Variants in GREB1L observed in about 807,000 individuals in gnomAD.
The protein encoded by GREB1L is GREB1-like protein.
GREB1L carries 17 observed loss-of-function variants against 200.8 expected under a neutral mutation model. The observed-to-expected ratio is 0.08, with a 90% confidence interval of 0.06 to 0.13. The LOEUF (loss-of-function observed/expected upper bound fraction) is 0.13. Among genes scored for constraint, GREB1L ranks in the 10% least tolerant of loss-of-function variants. The pLI is 1.00. For synonymous variants in GREB1L, 789 were observed against 893.0 expected (o/e 0.88, Z 2.08); for missense variants, 1,657 against 2,367.7 (o/e 0.70, Z 6.23).
intron 4 of GREB1L, among the ~76,000 whole-genome samples, chr18:21,386,797 G>A (rs1348359469): frequency 6.6e-6 from 1 of 152,054 alleles, no homozygotes; most frequent in Non-Finnish European, 1.5e-5. Context: ...GAGCCACCAC[G>A]CCCAGCCAGT....
intron 15 of GREB1L, among the ~76,000 whole-genome samples, chr18:21,466,132 AT>A (rs2035254381): frequency 1.3e-5 from 2 of 152,086 alleles, no homozygotes; most frequent in South Asian, 4.1e-4. Context: ...TAATTCATTC[AT>A]TTTACTGATT....
chr18:21,383,453 A>G (rs1269497327), intron 2 of GREB1L, 57 bp from the exon 3 acceptor site: 2 of 1,307,182 alleles, frequency 1.5e-6, no homozygotes, highest in Non-Finnish European at 1.0e-6. Flanking sequence ...ACTTTGAGAC[A>G]TAGAACCTCT....
intron 19 of GREB1L, among the ~76,000 whole-genome samples, chr18:21,491,621 G>A (rs1459395184): frequency 4.6e-5 from 7 of 151,772 alleles, no homozygotes; most frequent in African/African-American, 1.7e-4. Context: ...GCTGAGGCAG[G>A]AGAATGGTGT....
intron 1 of GREB1L, among the ~76,000 whole-genome samples, chr18:21,361,938 T>C (rs1025895): frequency 0.15 from 22,568 of 152,136 alleles, 3,614 homozygotes; most frequent in African/African-American, 0.39. Context: ...TGTGGTAGTT[T>C]TGGATTAATA....
chr18:21,495,509 C>T (rs1256131613), intron 19 of GREB1L, among the ~76,000 whole-genome samples, 161 bp from the exon 20 acceptor site: 3 of 152,046 alleles, frequency 2.0e-5, no homozygotes, highest in African/African-American at 4.8e-5. Context: ...CTTGTATATG[C>T]GATGTAGTAG....
intron 1 of GREB1L, among the ~76,000 whole-genome samples, chr18:21,249,131 AT>A (rs2037656403): frequency 6.6e-6 from 1 of 152,030 alleles, no homozygotes; most frequent in Non-Finnish European, 1.5e-5. Context: ...AACTATTTCT[AT>A]TGTAGAATCT....
intron 18 of GREB1L, among the ~76,000 whole-genome samples, chr18:21,487,520 C>A (rs992560987): frequency 6.6e-6 from 1 of 152,232 alleles, no homozygotes; most frequent in African/African-American, 2.4e-5. Flanking sequence ...CCTGAAGGGA[C>A]CAGCCCAGGA....
intron 15 of GREB1L, among the ~76,000 whole-genome samples, chr18:21,464,883 A>G (rs1057372416): frequency 4.6e-5 from 7 of 152,248 alleles, no homozygotes; most frequent in Non-Finnish European, 1.0e-4. Context: ...GAAAGATTAA[A>G]AAGAAAAAAG....
intron 27 of GREB1L, among the ~76,000 whole-genome samples, chr18:21,510,463 C>G (rs2037195311): frequency 6.6e-6 from 1 of 152,194 alleles, no homozygotes; most frequent in Non-Finnish European, 1.5e-5. Context: ...GACTGACTGG[C>G]TTATCTCACT....
At position 21,278,380 on chromosome 18, in the gene GREB1L, C is replaced by CAAAAAAAA. The variant is rs550496435; in HGVS notation, c.-120+35992_-120+35999dup. Among the ~76,000 whole-genome samples, 123 of 106,154 alleles carry CAAAAAAAA rather than the reference C, an allele frequency of 1.2e-3. 1 individual carries two copies. Among genetic ancestry groups the CAAAAAAAA allele is most frequent in the East Asian group, 3.8e-3 (14 of 3,682 alleles). The allele number at this position is 106,154 out of a possible 152,430, so 69.6% of individuals were successfully genotyped here. The stretch of plus-strand genomic sequence containing the variant: ...GGGCAACAAGAGCAAGACTCCATCT[C>CAAAAAAAA]AAAAAAAAAAAATAAATAAATAAAT... On this transcript the variant is annotated intron_variant, in intron 1 of 32. Coordinates refer to ENST00000424526, the MANE Select transcript of GREB1L (RefSeq NM_001142966.3).
At chr18:21,325,966 T>C (rs1169037401) in intron 1 of GREB1L, among the ~76,000 whole-genome samples, 3 of 151,930 alleles carry the variant, frequency 2.0e-5, no homozygotes, top group South Asian at 2.1e-4. Context: ...ACCAAAGAGA[T>C]TGGTGTCATG....
At chr18:21,426,968 A>C (rs1200879340) in intron 7 of GREB1L, among the ~76,000 whole-genome samples, 3 of 102,344 alleles carry the variant, frequency 2.9e-5, no homozygotes, top group East Asian at 3.1e-4. Context: ...CAAAAAAAAA[A>C]AAAACAAAAA....
Position 21,334,218 on chromosome 18 carries a change from G to A in GREB1L, c.-119-31809G>A, listed in dbSNP as rs377472219. ...ATTGTAGGGTCCGATTCAGATTTTT[G>A]TAAGAGTTTGTAGCCATGACGAAGT... On this transcript the variant is annotated intron_variant, in intron 1 of 32. Transcript: ENST00000424526. Among the ~76,000 whole-genome samples the A allele has an allele frequency of 1.3e-3, 205 of 152,230 alleles. 1 individual carries two copies. Among genetic ancestry groups the A allele is most frequent in the Non-Finnish European group, 2.0e-3 (136 of 68,022 alleles).
intron 2 of GREB1L, among the ~76,000 whole-genome samples, chr18:21,368,183 G>A (rs1234830944): frequency 2.0e-5 from 3 of 152,084 alleles, no homozygotes; most frequent in Non-Finnish European, 4.4e-5. Context: ...ATAATCACTC[G>A]TGTTAAAGGA....
intron 1 of GREB1L, among the ~76,000 whole-genome samples, chr18:21,347,620 TA>T (rs757616764): frequency 3.4e-4 from 51 of 151,540 alleles, no homozygotes; most frequent in Non-Finnish European, 6.6e-4. Context: ...CATGCCTGGT[TA>T]ATTTTTTGTA....
At chr18:21,245,240 C>T (rs1197577593) in intron 1 of GREB1L, among the ~76,000 whole-genome samples, 1 of 152,166 alleles carries the variant, frequency 6.6e-6, no homozygotes, top group Non-Finnish European at 1.5e-5. Flanking sequence ...AGATCTCATA[C>T]TGAAAGCTAA....
chr18:21,376,113 T>C (rs1176395243), intron 2 of GREB1L, among the ~76,000 whole-genome samples: 2 of 152,118 alleles, frequency 1.3e-5, no homozygotes, highest in African/African-American at 2.4e-5. Context: ...CTCTCTCTGC[T>C]GTATACTTTT....
intron 31 of GREB1L, 87 bp from the exon 32 acceptor site, chr18:21,520,601 A>G: frequency 7.2e-7 from 1 of 1,389,446 alleles, no homozygotes; most frequent in Non-Finnish European, 9.9e-7. Context: ...AAATAGAGAA[A>G]AAGGAAGGTA....
At chr18:21,274,389 T>C (rs544203525) in intron 1 of GREB1L, among the ~76,000 whole-genome samples, 36 of 152,006 alleles carry the variant, frequency 2.4e-4, no homozygotes, top group Admixed American at 3.9e-4. Flanking sequence ...TATATATATA[T>C]ACACACACAC....
Sources: allele counts gnomAD v4.1 joint callset (sites outside exome capture counted in the v4.1 genomes callset), GRCh38; gene constraint gnomAD v4.1.1; transcripts MANE v1.5; gene names NCBI Gene and HGNC (gene_info 2026-07-23, HGNC 2026-07-21).